FARP1: variants seen among roughly 807,000 people sequenced by gnomAD.
FARP1 encodes FERM, ARHGEF and pleckstrin domain-containing protein 1.
FARP1 carries 52 observed loss-of-function variants against 128.8 expected under a neutral mutation model. The ratio of observed to expected loss-of-function variants is 0.40; its 90% CI spans 0.32 to 0.51. The LOEUF is 0.51. Ranked by LOEUF, FARP1 falls within the 20% of genes least tolerant of loss-of-function variation. FARP1 has a pLI of 0.45. For synonymous variants in FARP1, 580 were observed against 551.8 expected, an observed-to-expected ratio of 1.05 and a Z score of -0.72; for missense variants, 1,333 against 1,367.9, an observed-to-expected ratio of 0.97 and a Z score of 0.40.
rs143023766 is a variant in FARP1 at position 98,212,772 on chromosome 13, C to A, written c.-23-448C>A. 2.6e-5 allele frequency among the ~76,000 whole-genome samples: 4 copies of A among 152,200 alleles called. No individual in the cohort carries two copies. The South Asian group carries it at 8.3e-4, about 32-fold the overall frequency. Reference sequence around the variant, plus strand: ...TATTTCCTCAACCAGATTATTAGCCCGAGCTCTGCAGTGCGCGTTTTACCT... The same window carrying A: ...TATTTCCTCAACCAGATTATTAGCCAGAGCTCTGCAGTGCGCGTTTTACCT... On this transcript the variant is annotated intron_variant, in intron 1 of 26. Transcript: ENST00000319562.
chr13:98,331,167 A>C (rs2139826857), intron 2 of FARP1, among the ~76,000 whole-genome samples: 1 of 152,360 alleles, frequency 6.6e-6, no homozygotes, highest in African/African-American at 2.4e-5. Context: ...TTTTTAAAAA[A>C]TGTGCTTAGT....
intron 2 of FARP1, among the ~76,000 whole-genome samples, chr13:98,214,202 G>A (rs895747437): frequency 6.6e-6 from 1 of 152,228 alleles, no homozygotes; most frequent in Non-Finnish European, 1.5e-5. Flanking sequence ...CGCTCCTGCG[G>A]GAGGATGAGA....
intron 1 of FARP1, among the ~76,000 whole-genome samples, chr13:98,150,327 G>T (rs61273492): frequency 7.2e-5 from 11 of 152,064 alleles, no homozygotes; most frequent in African/African-American, 2.2e-4. Flanking sequence ...CACTGCGTCC[G>T]GCAGATCTTT....
intron 1 of FARP1, among the ~76,000 whole-genome samples, chr13:98,179,079 C>A (rs907418495): frequency 1.3e-5 from 2 of 152,134 alleles, no homozygotes; most frequent in African/African-American, 4.8e-5. Flanking sequence ...CGTTTTCACG[C>A]TGCTGATAAA....
At chr13:98,259,264 T>G (rs184320876) in intron 2 of FARP1, among the ~76,000 whole-genome samples, 1 of 152,178 alleles carries the variant, frequency 6.6e-6, no homozygotes, top group South Asian at 2.1e-4. Flanking sequence ...TGTGTATATA[T>G]AGAGTATATG....
chr13:98,413,282 C>T (rs965105116), intron 16 of FARP1, among the ~76,000 whole-genome samples: 6 of 152,090 alleles, frequency 3.9e-5, no homozygotes, highest in Admixed American at 1.3e-4. Context: ...AAGTCAGCCT[C>T]GCTGGAAATG....
rs530077865 is a variant in FARP1, at chr13:98,193,468, G to A, written c.-23-19752G>A. 2.6e-5 allele frequency among the ~76,000 whole-genome samples: 4 copies of A among 152,324 alleles called. No homozygotes were observed. In the South Asian group the frequency reaches 8.3e-4, roughly 32 times the overall value. On this transcript the variant is annotated intron_variant, in intron 1 of 26. Transcript: ENST00000319562. ...AGTCTACGAAGTGATGTCTTGTGTA[G>A]AGCAATGGTGTATTCCTGTCAAATT... is the stretch of plus-strand genomic sequence containing the variant.
chr13:98,259,475 T>C (rs1427450792), intron 2 of FARP1, among the ~76,000 whole-genome samples: 1 of 152,064 alleles, frequency 6.6e-6, no homozygotes. Context: ...ACTGCTCACA[T>C]GTCCCTGTGT....
chr13:98,320,418 C>G (rs2139786102), intron 2 of FARP1, among the ~76,000 whole-genome samples: 1 of 152,292 alleles, frequency 6.6e-6, no homozygotes, highest in South Asian at 2.1e-4. Context: ...CTGTCCTCAC[C>G]TATGTGAAGC....
chr13:98,437,944 T>C (rs1221128831), intron 19 of FARP1: 13 of 1,098,950 alleles, frequency 1.2e-5, no homozygotes, highest in Non-Finnish European at 1.8e-5. Context: ...CATCCACTCA[T>C]TGTTTCAAAT....
At position 98,448,575 on chromosome 13, in the gene FARP1, CGA is replaced by C. The variant is rs200314942; in HGVS notation, c.*262_*263del. On this transcript the variant is annotated 3_prime_UTR_variant, in exon 27 of 27. Coordinates refer to ENST00000319562, the MANE Select transcript of FARP1 (RefSeq NM_005766.4). ...TGCCAGTATTAAAACATTGTCATTA[CGA>C]GAGTGCCAAATGACATCTTCCCTCC... is the stretch of plus-strand genomic sequence containing the variant. The C allele has an allele frequency of 6.3e-3, 2,849 of 449,888 alleles. 78 individuals carry two copies. The highest frequency in any genetic ancestry group is 0.051 in the African/African-American group (2,538 of 49,978). 27.9% of individuals were successfully genotyped at this position (449,888 alleles called of 1,614,324 possible).
chr13:98,438,026 G>A (rs549527783), intron 19 of FARP1, among the ~76,000 whole-genome samples: 4 of 152,290 alleles, frequency 2.6e-5, no homozygotes, highest in South Asian at 4.1e-4. Flanking sequence ...AGATGGTGGC[G>A]ATGGTGGGGC....
At chr13:98,411,600 C>T (rs1891196799) in intron 15 of FARP1, among the ~76,000 whole-genome samples, 1 of 152,152 alleles carries the variant, frequency 6.6e-6, no homozygotes, top group Admixed American at 6.5e-5. Context: ...AGTGAATCGG[C>T]CAGAATGGAG....
intron 2 of FARP1, among the ~76,000 whole-genome samples, chr13:98,213,994 G>A (rs754887734): frequency 9.9e-5 from 15 of 152,172 alleles, no homozygotes; most frequent in Admixed American, 5.2e-4. Flanking sequence ...CCATATGGCA[G>A]CCCTAGAGAT....
At chr13:98,296,671 T>G (rs1270560136) in intron 2 of FARP1, among the ~76,000 whole-genome samples, 1 of 148,584 alleles carries the variant, frequency 6.7e-6, no homozygotes, top group African/African-American at 2.5e-5. Flanking sequence ...TTTACAAATA[T>G]AAAGTGACTT....
chr13:98,347,212 T>G (rs1888217923), intron 3 of FARP1, among the ~76,000 whole-genome samples: 2 of 152,362 alleles, frequency 1.3e-5, no homozygotes, highest in Non-Finnish European at 2.9e-5. Context: ...CCAAAAGCAT[T>G]ATTTATGGAA....
At chr13:98,353,109 A>G (rs1476285043) in intron 3 of FARP1, among the ~76,000 whole-genome samples, 1 of 152,082 alleles carries the variant, frequency 6.6e-6, no homozygotes, top group African/African-American at 2.4e-5. Context: ...ACCCAAGGGG[A>G]TGGTGCGAAG....
intron 1 of FARP1, among the ~76,000 whole-genome samples, chr13:98,179,181 A>T (rs1288654659): frequency 2.0e-5 from 3 of 151,450 alleles, no homozygotes; most frequent in Non-Finnish European, 4.4e-5. Flanking sequence ...TCCATGGTAG[A>T]AGGTGAAAGG....
chr13:98,171,796 C>T (rs2139166226), intron 1 of FARP1, among the ~76,000 whole-genome samples: 1 of 152,322 alleles, frequency 6.6e-6, no homozygotes. Flanking sequence ...CTCCTCCCCA[C>T]CAATGAGGTA....
Sources: allele counts gnomAD v4.1 joint callset (sites outside exome capture counted in the v4.1 genomes callset), GRCh38; gene constraint gnomAD v4.1.1; transcripts MANE v1.5; gene names NCBI Gene and HGNC (gene_info 2026-07-23, HGNC 2026-07-21).